The following SLC4A10 variants were observed in gnomAD, a reference collection of about 807,000 sequenced individuals.
The protein encoded by SLC4A10 is sodium-driven chloride bicarbonate exchanger.
A neutral mutation model predicts 137.7 loss-of-function variants in SLC4A10; 42 were observed. The observed-to-expected ratio is 0.30, with a 90% CI of 0.24 to 0.39. The LOEUF (loss-of-function observed/expected upper bound fraction) is 0.39, where lower values mean the gene tolerates loss of function less well. Among genes scored for constraint, SLC4A10 ranks in the 10% least tolerant of loss-of-function variants. The pLI is 1.00. For synonymous variants in SLC4A10, 474 were observed against 464.1 expected, an observed-to-expected ratio of 1.02 and a Z score of -0.27; for missense variants, 925 against 1,355.0, an observed-to-expected ratio of 0.68 and a Z score of 4.98.
At chr2:161,959,089 C>T (rs1479959429) in intron 21 of SLC4A10, among the ~76,000 whole-genome samples, 3 of 152,102 alleles carry the variant, frequency 2.0e-5, no homozygotes, top group Non-Finnish European at 4.4e-5. Context: ...AAGTAAGAAA[C>T]TATTGACCAT....
chr2:161,856,228 C>T (rs1220759856), intron 5 of SLC4A10, among the ~76,000 whole-genome samples: 1 of 151,992 alleles, frequency 6.6e-6, no homozygotes, highest in Non-Finnish European at 1.5e-5. Context: ...TTTGATGGCA[C>T]ATTTATCACC....
At chr2:161,929,871 C>T (rs1367960028) in intron 15 of SLC4A10, among the ~76,000 whole-genome samples, 1 of 151,934 alleles carries the variant, frequency 6.6e-6, no homozygotes, top group Admixed American at 6.6e-5. Flanking sequence ...ATCAGAGTAT[C>T]CATTCTGGTT....
At chr2:161,882,633 A>C in intron 10 of SLC4A10, among the ~76,000 whole-genome samples, 189 bp downstream of exon 10, 1 of 152,118 alleles carries the variant, frequency 6.6e-6, no homozygotes, top group East Asian at 1.9e-4. Flanking sequence ...AACACCCATG[A>C]ATATAATATT....
intron 1 of SLC4A10, among the ~76,000 whole-genome samples, chr2:161,734,061 A>G (rs1387447354): frequency 2.0e-5 from 3 of 152,128 alleles, no homozygotes; most frequent in Non-Finnish European, 1.5e-5. Context: ...TCATAAGCAG[A>G]AGGTACTTGC....
At chr2:161,952,382 C>T (rs1694956919) in intron 19 of SLC4A10, among the ~76,000 whole-genome samples, 1 of 152,184 alleles carries the variant, frequency 6.6e-6, no homozygotes, top group Non-Finnish European at 1.5e-5. Context: ...TCCCCCTTCA[C>T]ATATACTGTG....
chr2:161,788,720 C>T (rs2053894918), intron 2 of SLC4A10, among the ~76,000 whole-genome samples: 1 of 152,286 alleles, frequency 6.6e-6, no homozygotes, highest in East Asian at 1.9e-4. Context: ...CCAGAGCAAA[C>T]AGTTTTTCAA....
intron 15 of SLC4A10, among the ~76,000 whole-genome samples, chr2:161,934,787 GT>G (rs917989675): frequency 3.3e-5 from 5 of 150,842 alleles, no homozygotes; most frequent in South Asian, 4.2e-4. Context: ...TTTTAACCTT[GT>G]TTTTTTTCTT....
At chr2:161,930,818 C>T (rs1225962291) in intron 15 of SLC4A10, among the ~76,000 whole-genome samples, 1 of 152,140 alleles carries the variant, frequency 6.6e-6, no homozygotes, top group Non-Finnish European at 1.5e-5. Flanking sequence ...GGAGGGAAAT[C>T]ACTGAATAAC....
chr2:161,807,061 G>A (rs939401890), intron 3 of SLC4A10, among the ~76,000 whole-genome samples: 19 of 152,164 alleles, frequency 1.2e-4, no homozygotes, highest in African/African-American at 4.6e-4. Flanking sequence ...GTGAATGGCA[G>A]CAGGTAAAGA....
chr2:161,668,852 T>G (rs1273347545), intron 1 of SLC4A10, among the ~76,000 whole-genome samples: 13 of 151,904 alleles, frequency 8.6e-5, no homozygotes, highest in Admixed American at 8.6e-4. Context: ...ATTTAGTTTG[T>G]GCAGAGAGCT....
At chr2:161,831,679 G>A (rs1362969977) in intron 3 of SLC4A10, among the ~76,000 whole-genome samples, 1 of 151,966 alleles carries the variant, frequency 6.6e-6, no homozygotes, top group Non-Finnish European at 1.5e-5. Context: ...TAATGAAAAA[G>A]GAAATAATGA....
intron 3 of SLC4A10, among the ~76,000 whole-genome samples, chr2:161,827,840 C>A (rs1264067385): frequency 6.6e-6 from 1 of 152,212 alleles, no homozygotes; most frequent in African/African-American, 2.4e-5. Flanking sequence ...GCTGGGATTA[C>A]AGGCGTGAGC....
intron 1 of SLC4A10, among the ~76,000 whole-genome samples, chr2:161,724,255 G>T (rs1014515331): frequency 4.6e-5 from 7 of 152,116 alleles, no homozygotes; most frequent in South Asian, 2.1e-4. Context: ...ATGTAAACCA[G>T]AATCAGGGGT....
chr2:161,692,747 G>A (rs1176046331), intron 1 of SLC4A10, among the ~76,000 whole-genome samples: 1 of 152,028 alleles, frequency 6.6e-6, no homozygotes, highest in Non-Finnish European at 1.5e-5. Context: ...GACTTATCTA[G>A]ATATAGATGG....
At chr2:161,697,337 T>G (rs970319716) in intron 1 of SLC4A10, among the ~76,000 whole-genome samples, 1 of 152,202 alleles carries the variant, frequency 6.6e-6, no homozygotes, top group Non-Finnish European at 1.5e-5. Context: ...ATTTTGGCTT[T>G]TGTTGCCATT....
chr2:161,736,142 C>G (rs996915089), intron 1 of SLC4A10, among the ~76,000 whole-genome samples: 1 of 151,510 alleles, frequency 6.6e-6, no homozygotes, highest in Non-Finnish European at 1.5e-5. Flanking sequence ...TATATTTTTT[C>G]TTTTTAGATG....
chr2:161,940,993 GGAGCAGACCCCCA>G (rs144595619), intron 15 of SLC4A10, among the ~76,000 whole-genome samples: 3,854 of 152,150 alleles, frequency 0.025, 71 homozygotes, highest in African/African-American at 0.05. Flanking sequence ...GAATTTAGTT[GGAGCAGACCCCCA>G]GAGCAATTTA....
chr2:161,854,198 AT>A (rs1279345893), intron 4 of SLC4A10, among the ~76,000 whole-genome samples: 1 of 152,204 alleles, frequency 6.6e-6, no homozygotes, highest in Non-Finnish European at 1.5e-5. Flanking sequence ...TAGAGACCAA[AT>A]TCCTAAACGG....
At chr2:161,777,063 T>C (rs2052435301) in intron 2 of SLC4A10, among the ~76,000 whole-genome samples, 1 of 151,742 alleles carries the variant, frequency 6.6e-6, no homozygotes, top group Non-Finnish European at 1.5e-5. Flanking sequence ...GCAAGTGACT[T>C]GAATAGACAC....
Sources: allele counts gnomAD v4.1 joint callset (sites outside exome capture counted in the v4.1 genomes callset), GRCh38; gene constraint gnomAD v4.1.1; transcripts MANE v1.5; gene names NCBI Gene and HGNC (gene_info 2026-07-23, HGNC 2026-07-21).